ASRGL1: variants seen among roughly 807,000 people sequenced by gnomAD.
The protein encoded by ASRGL1 is asparaginase and isoaspartyl peptidase 1.
In ASRGL1, 16 loss-of-function variants were observed where a neutral mutation model predicts 22.4. The ratio of observed to expected loss-of-function variants is 0.71; its 90% CI spans 0.48 to 1.08. The LOEUF (loss-of-function observed/expected upper bound fraction) is 1.08, where lower values mean the gene tolerates loss of function less well. Among genes scored for constraint, ASRGL1 ranks in the 50% least tolerant of loss-of-function variants. The pLI, the probability that ASRGL1 is intolerant of heterozygous loss-of-function variation, is 0.00. For synonymous variants in ASRGL1, 165 were observed against 159.3 expected (o/e 1.04, Z -0.27); for missense variants, 412 against 410.1 (o/e 1.00, Z -0.04).
intron 4 of ASRGL1, among the ~76,000 whole-genome samples, chr11:62,378,621 A>G (rs1946987992): frequency 6.6e-6 from 1 of 152,166 alleles, no homozygotes; most frequent in Non-Finnish European, 1.5e-5. Context: ...CGGGTTGGAG[A>G]GGCCCCATGG....
chr11:62,392,058 T>C, intron 6 of ASRGL1, 21 bp from the exon 7 acceptor site: 1 of 1,612,282 alleles, frequency 6.2e-7, no homozygotes, highest in Non-Finnish European at 8.5e-7. Flanking sequence ...GTGTTGTTTC[T>C]CAACCCTTCC....
intron 4 of ASRGL1, among the ~76,000 whole-genome samples, chr11:62,378,784 T>C (rs1195576810): frequency 1.3e-5 from 2 of 152,140 alleles, no homozygotes; most frequent in Non-Finnish European, 2.9e-5. Flanking sequence ...ATGTAAAGCC[T>C]CCAGTTTTTG....
chr11:62,345,727 T>A (rs975946164), intron 2 of ASRGL1, among the ~76,000 whole-genome samples: 6 of 152,170 alleles, frequency 3.9e-5, no homozygotes, highest in African/African-American at 1.2e-4. Context: ...GTTTACCAAT[T>A]TATTATAAAG....
At chr11:62,367,834 T>C (rs1233518120) in intron 4 of ASRGL1, among the ~76,000 whole-genome samples, 1 of 151,568 alleles carries the variant, frequency 6.6e-6, no homozygotes, top group African/African-American at 2.4e-5. Flanking sequence ...CCCAGCTACT[T>C]GGGAGGCTGA....
In ASRGL1 at chr11:62,356,340, T is replaced by C; in HGVS notation, c.206T>C (p.Leu69Ser). 1 of 1,614,198 alleles carries C rather than the reference T, an allele frequency of 6.2e-7. No individual in the cohort carries two copies. Among genetic ancestry groups the C allele is most frequent in the Non-Finnish European group, 8.5e-7 (1 of 1,180,000 alleles). ...TTGGTTTTAGGTTGTGGGTCTGTCT[T>C]GAACACAAATGGTGAGGTTGAAATG... The part of the protein sequence containing the change: ...PEFNAGCGSV[L>S]NTNGEVEMDA... The change falls in exon 3 of 7, where the codon TTG becomes TCG. Residue 69 changes from leucine (L) to serine (S), a missense_variant. Physicochemically the swap from Leu to Ser is moderately radical, Grantham distance 145. Transcript: ENST00000415229.
At chr11:62,350,758 T>C (rs1946149376) in intron 2 of ASRGL1, among the ~76,000 whole-genome samples, 1 of 152,190 alleles carries the variant, frequency 6.6e-6, no homozygotes. Flanking sequence ...ATCATACCAC[T>C]GCACTCCAGC....
intron 4 of ASRGL1, among the ~76,000 whole-genome samples, chr11:62,386,485 T>TCATACATATCATAGATATGTACATAG (rs1555009083): frequency 7.0e-6 from 1 of 141,962 alleles, no homozygotes; most frequent in Non-Finnish European, 1.6e-5. Flanking sequence ...TATGTACATA[T>TCATACATATCATAGATATGTACATAG]ATATGTACAT....
intron 4 of ASRGL1, among the ~76,000 whole-genome samples, chr11:62,386,439 T>TTATCATAGCTATGTACATATCATACA (rs1947203316): frequency 1.3e-5 from 1 of 75,794 alleles, no homozygotes; most frequent in Non-Finnish European, 3.9e-5. Context: ...CAATTAAACT[T>TTATCATAGCTATGTACATATCATACA]TATCATAGAT....
chr11:62,347,194 T>C (rs902016876), intron 2 of ASRGL1, among the ~76,000 whole-genome samples: 1 of 152,164 alleles, frequency 6.6e-6, no homozygotes, highest in Non-Finnish European at 1.5e-5. Context: ...AGCACCTCTC[T>C]GAAGGACCCC....
In ASRGL1 at chr11:62,391,559, C is replaced by G. The variant is rs1217724972; in HGVS notation, c.648C>G (p.Val216=). The change falls in exon 6 of 7, where the codon GTC becomes GTG. Residue 216 remains valine, a synonymous_variant. Transcript: ENST00000415229. ...ATGCCGACAATGACATCGGAGCCGT[C>G]TCAACCACAGGGCATGGGGAAAGCA... The part of the protein sequence containing the change: ...GGYADNDIGA[V]STTGHGESIL... 1 of 1,612,666 alleles carries G rather than the reference C, an allele frequency of 6.2e-7. No individual in the cohort carries two copies. The highest frequency in any genetic ancestry group is 1.1e-5 in the South Asian group (1 of 90,620).
chr11:62,400,800 A>G, the ASRGL1 span, among the ~76,000 whole-genome samples: 2 of 152,152 alleles, frequency 1.3e-5, no homozygotes, highest in African/African-American at 4.8e-5. Context: ...CTTCTTCCTC[A>G]GCACCAAGCT....
chr11:62,365,482 A>G (rs1946588724), intron 4 of ASRGL1, among the ~76,000 whole-genome samples: 1 of 152,146 alleles, frequency 6.6e-6, no homozygotes, highest in Admixed American at 6.6e-5. Context: ...TGAACCTGGG[A>G]GGCAGAGGTT....
At chr11:62,363,904 C>G (rs1946543867) in intron 4 of ASRGL1, among the ~76,000 whole-genome samples, 1 of 152,124 alleles carries the variant, frequency 6.6e-6, no homozygotes, top group Admixed American at 6.6e-5. Flanking sequence ...CGCCTGTAAT[C>G]CTAGCACTTT....
At chr11:62,352,842 C>A (rs552233317) in intron 2 of ASRGL1, among the ~76,000 whole-genome samples, 41 of 152,088 alleles carry the variant, frequency 2.7e-4, no homozygotes, top group Non-Finnish European at 5.0e-4. Context: ...TTCTCTCTTG[C>A]TACTTTCAAT....
At chr11:62,373,641 A>T (rs1946834752) in intron 4 of ASRGL1, among the ~76,000 whole-genome samples, 1 of 152,186 alleles carries the variant, frequency 6.6e-6, no homozygotes, top group African/African-American at 2.4e-5. Context: ...CCTCCATCCA[A>T]AATCATGCTC....
At position 62,391,507 on chromosome 11, in the gene ASRGL1, AC is replaced by A; in HGVS notation, c.611-12del. 6 of 1,603,152 alleles carry A rather than the reference AC, an allele frequency of 3.7e-6. No homozygotes were observed. The highest frequency in any genetic ancestry group is 5.1e-6 in the Non-Finnish European group (6 of 1,174,334). On this transcript the variant is annotated splice_polypyrimidine_tract_variant and intron_variant, in intron 5 of 6. Coordinates refer to ENST00000415229, the MANE Select transcript of ASRGL1 (RefSeq NM_001083926.2). ...TTGACTGTTACTGCTCAGAACAATC[AC>A]CCTTTTTGAGCAGGAGCTGGAGGTT...
intron 2 of ASRGL1, among the ~76,000 whole-genome samples, chr11:62,351,303 T>C (rs1193504762): frequency 6.6e-6 from 1 of 152,224 alleles, no homozygotes; most frequent in East Asian, 1.9e-4. Context: ...AAGTCTATTA[T>C]ATTTACCAAT....
At chr11:62,366,749 G>T (rs1396038699) in intron 4 of ASRGL1, among the ~76,000 whole-genome samples, 2 of 152,042 alleles carry the variant, frequency 1.3e-5, no homozygotes, top group Non-Finnish European at 2.9e-5. Context: ...GAGCTCAAGT[G>T]GTCCTCCTAC....
chr11:62,365,239 T>C (rs1384486573), intron 4 of ASRGL1, among the ~76,000 whole-genome samples: 2 of 152,134 alleles, frequency 1.3e-5, no homozygotes, highest in Non-Finnish European at 2.9e-5. Context: ...AATAATATTG[T>C]GTACTGGAAA....
Sources: gnomAD v4.1 joint callset for allele counts (sites outside exome capture counted in the v4.1 genomes callset) on GRCh38, gnomAD v4.1.1 for gene constraint, MANE v1.5 for transcripts, NCBI Gene and HGNC (gene_info 2026-07-23, HGNC 2026-07-21) for gene names.